Variants in NBAS observed in about 807,000 individuals in gnomAD.
NBAS encodes the protein NAG/BC035112 fusion.
In NBAS, 219 loss-of-function variants were observed where a neutral mutation model predicts 302.5. The observed-to-expected ratio is 0.72, with a 90% CI of 0.65 to 0.81. NBAS has a LOEUF of 0.81. Among genes scored for constraint, NBAS ranks in the 30% least tolerant of loss-of-function variants. The pLI is 0.00. For synonymous variants in NBAS, 1,118 were observed against 1,021.6 expected, an observed-to-expected ratio of 1.09 and a Z score of -1.80; for missense variants, 2,932 against 2,841.6, an observed-to-expected ratio of 1.03 and a Z score of -0.72.
At chr2:15,409,407 C>G (rs914729968) in intron 25 of NBAS, among the ~76,000 whole-genome samples, 4 of 152,180 alleles carry the variant, frequency 2.6e-5, no homozygotes, top group Admixed American at 2.0e-4. Context: ...GCTTATTACT[C>G]TCATGACAGA....
intron 21 of NBAS, among the ~76,000 whole-genome samples, chr2:15,434,438 T>C (rs966736830): frequency 2.0e-5 from 3 of 152,126 alleles, no homozygotes; most frequent in Admixed American, 2.0e-4. Flanking sequence ...ACAAAGAAAG[T>C]CACCAGGAAA....
the NBAS span, among the ~76,000 whole-genome samples, chr2:15,014,380 G>A: frequency 4.6e-5 from 7 of 151,962 alleles, no homozygotes; most frequent in South Asian, 1.2e-3. Flanking sequence ...CATATTTTAG[G>A]ACACAAAACA....
chr2:14,813,523 G>T, the NBAS span, among the ~76,000 whole-genome samples: 1 of 152,122 alleles, frequency 6.6e-6, no homozygotes, highest in African/African-American at 2.4e-5. Flanking sequence ...GATAATTTAG[G>T]GTACCTAGTG....
At chr2:15,440,051 C>T (rs982205847) in intron 21 of NBAS, among the ~76,000 whole-genome samples, 2 of 152,262 alleles carry the variant, frequency 1.3e-5, no homozygotes, top group African/African-American at 2.4e-5. Context: ...GGCCTGCCTG[C>T]CTCTGTAGGC....
the NBAS span, among the ~76,000 whole-genome samples, chr2:15,148,286 G>A: frequency 6.6e-6 from 1 of 152,136 alleles, no homozygotes; most frequent in Non-Finnish European, 1.5e-5. Context: ...GTCAGACCCA[G>A]GCCCTGCCAC....
the NBAS span, among the ~76,000 whole-genome samples, chr2:14,953,887 G>A: frequency 2.0e-5 from 3 of 152,124 alleles, no homozygotes; most frequent in Admixed American, 6.5e-5. Context: ...CATGAGAGGT[G>A]ATGCTTCATG....
chr2:15,254,010 G>A (rs533620937), intron 44 of NBAS, among the ~76,000 whole-genome samples: 2 of 152,250 alleles, frequency 1.3e-5, no homozygotes, highest in Admixed American at 6.5e-5. Flanking sequence ...AGAGAGGAAC[G>A]TGAATTCTCC....
At chr2:14,900,004 G>A in the NBAS span, among the ~76,000 whole-genome samples, 4 of 152,052 alleles carry the variant, frequency 2.6e-5, no homozygotes, top group Non-Finnish European at 4.4e-5. Flanking sequence ...TGCTCCAGGA[G>A]AGCAGTTATA....
intron 48 of NBAS, among the ~76,000 whole-genome samples, chr2:15,195,141 G>A (rs1489039772): frequency 6.6e-6 from 1 of 152,090 alleles, no homozygotes; most frequent in Non-Finnish European, 1.5e-5. Context: ...TATAGAATCT[G>A]CTATGGTTTG....
the NBAS span, among the ~76,000 whole-genome samples, chr2:15,066,694 AGGTAAGTGTT>A: frequency 6.6e-6 from 1 of 152,196 alleles, no homozygotes; most frequent in Non-Finnish European, 1.5e-5. Context: ...AAAAAACAAA[AGGTAAGTGTT>A]GGCAAATATG....
At chr2:15,343,788 A>G (rs1376605727) in intron 35 of NBAS, among the ~76,000 whole-genome samples, 1 of 151,964 alleles carries the variant, frequency 6.6e-6, no homozygotes, top group African/African-American at 2.4e-5. Context: ...AATTTTTGCA[A>G]TCTTGGGTTA....
chr2:14,947,308 C>T, the NBAS span, among the ~76,000 whole-genome samples: 431 of 151,920 alleles, frequency 2.8e-3, 3 homozygotes, highest in South Asian at 0.014. Flanking sequence ...GACCCAAATA[C>T]ATAAAATTAA....
chr2:15,100,202 G>C, the NBAS span, among the ~76,000 whole-genome samples: 1 of 152,110 alleles, frequency 6.6e-6, no homozygotes, highest in African/African-American at 2.4e-5. Flanking sequence ...TACTTATAAA[G>C]AACTACTTTC....
At chr2:15,470,715 A>G (rs1042776109) in intron 16 of NBAS, among the ~76,000 whole-genome samples, 4 of 152,142 alleles carry the variant, frequency 2.6e-5, no homozygotes, top group African/African-American at 7.2e-5. Flanking sequence ...AATAATCACT[A>G]TCTTCACTGG....
At chr2:15,222,266 A>C (rs1026931728) in intron 47 of NBAS, among the ~76,000 whole-genome samples, 30 of 152,194 alleles carry the variant, frequency 2.0e-4, no homozygotes, top group African/African-American at 7.2e-4. Flanking sequence ...GGGCAGACTC[A>C]GGCACTTTTG....
chr2:14,953,861 C>T, the NBAS span, among the ~76,000 whole-genome samples: 1 of 152,110 alleles, frequency 6.6e-6, no homozygotes. Flanking sequence ...AAGGCAGATG[C>T]CTCAGAAGAT....
At chr2:14,951,903 C>T in the NBAS span, among the ~76,000 whole-genome samples, 14 of 152,326 alleles carry the variant, frequency 9.2e-5, no homozygotes, top group African/African-American at 3.1e-4. Flanking sequence ...TTTTCTACAA[C>T]CCGGCTGTCT....
intron 10 of NBAS, among the ~76,000 whole-genome samples, chr2:15,510,463 T>A (rs530679289): frequency 6.6e-6 from 1 of 152,176 alleles, no homozygotes; most frequent in Non-Finnish European, 1.5e-5. Context: ...GATCTTTTAA[T>A]CATCACTTAA....
At chr2:15,382,784 T>C (rs1675104694) in intron 29 of NBAS, among the ~76,000 whole-genome samples, 1 of 152,270 alleles carries the variant, frequency 6.6e-6, no homozygotes, top group Middle Eastern at 3.4e-3. Flanking sequence ...AAGGGGTGTG[T>C]CATGAAAAGA....
Sources: gnomAD v4.1 joint callset for allele counts (sites outside exome capture counted in the v4.1 genomes callset) on GRCh38, gnomAD v4.1.1 for gene constraint, MANE v1.5 for transcripts, NCBI Gene and HGNC (gene_info 2026-07-23, HGNC 2026-07-21) for gene names.